SENP1: variants seen among roughly 807,000 people sequenced by gnomAD.
SENP1 encodes the protein SUMO specific peptidase 1.
SENP1 carries 21 observed loss-of-function variants against 93.0 expected under a neutral mutation model. The observed-to-expected ratio is 0.23, with a 90% confidence interval of 0.16 to 0.33. SENP1 has a LOEUF of 0.33. Among genes scored for constraint, SENP1 ranks in the 10% least tolerant of loss-of-function variants. The pLI, the probability that SENP1 is intolerant of heterozygous loss-of-function variation, is 1.00. For missense variants in SENP1, 591 were observed against 758.7 expected (o/e 0.78, Z 2.60); for synonymous variants, 256 against 259.6 (o/e 0.99, Z 0.13).
intron 9 of SENP1, among the ~76,000 whole-genome samples, chr12:48,071,240 A>T (rs555195346): frequency 3.3e-5 from 5 of 152,378 alleles, no homozygotes; most frequent in African/African-American, 1.2e-4. Flanking sequence ...TACGTGAGAA[A>T]GGTCTGAATT....
intron 13 of SENP1, 79 bp downstream of exon 13, chr12:48,063,631 G>T: frequency 7.0e-7 from 1 of 1,430,846 alleles, no homozygotes; most frequent in Non-Finnish European, 9.6e-7. Context: ...ACCACATTTT[G>T]AGAAAAAGTG....
At chr12:48,104,748 A>G (rs959462780) in intron 1 of SENP1, among the ~76,000 whole-genome samples, 1 of 152,220 alleles carries the variant, frequency 6.6e-6, no homozygotes, top group African/African-American at 2.4e-5. Context: ...AATGCAAGTC[A>G]ACAACTGCAT....
chr12:48,093,194 T>C (rs1036054171), intron 4 of SENP1, among the ~76,000 whole-genome samples: 2 of 152,078 alleles, frequency 1.3e-5, no homozygotes, highest in African/African-American at 2.4e-5. Flanking sequence ...AAAATACTCA[T>C]TTTTACAGAG....
chr12:48,102,911 A>C (rs543525290), intron 1 of SENP1, among the ~76,000 whole-genome samples: 5 of 152,246 alleles, frequency 3.3e-5, no homozygotes, highest in African/African-American at 1.2e-4. Context: ...TAAAGAATTT[A>C]AGCCTTAGAT....
intron 2 of SENP1, among the ~76,000 whole-genome samples, chr12:48,099,541 TGTG>T (rs1187774557): frequency 1.3e-5 from 2 of 151,870 alleles, no homozygotes; most frequent in African/African-American, 4.8e-5. Flanking sequence ...ACCTGCCAGG[TGTG>T]GTGGCTCACA....
At chr12:48,105,408 G>A (rs1384157044) in intron 1 of SENP1, 2 of 518,918 alleles carry the variant, frequency 3.9e-6, no homozygotes, top group African/African-American at 1.9e-5. Flanking sequence ...TTACCAGGAG[G>A]CGATGAGCCA....
chr12:48,047,081 A>G lies in SENP1; in HGVS notation c.1692-19T>C. 6.5e-7 allele frequency: 1 copy of G among 1,530,270 alleles called. No individual in the cohort carries two copies. The highest frequency in any genetic ancestry group is 9.0e-7 in the Non-Finnish European group (1 of 1,105,154). 94.8% of individuals were successfully genotyped at this position (1,530,270 alleles called of 1,614,324 possible). A position where few individuals can be genotyped will look rare whatever the true frequency, so the allele number is the denominator to read the frequency against. On this transcript the variant is annotated intron_variant, in intron 15 of 17. Transcript: ENST00000549518. ...GTATTGCCTAAAGGTATCAGGAGAG[A>G]ATGAGATAAGCAGTGGGGAACATCG...
chr12:48,100,325 T>C (rs956837737), intron 2 of SENP1, among the ~76,000 whole-genome samples: 2 of 152,156 alleles, frequency 1.3e-5, no homozygotes, highest in Non-Finnish European at 2.9e-5. Flanking sequence ...TAGTATAACA[T>C]AGTACTAAGG....
intron 3 of SENP1, among the ~76,000 whole-genome samples, chr12:48,096,813 C>A (rs2137284068): frequency 6.6e-6 from 1 of 152,146 alleles, no homozygotes; most frequent in East Asian, 1.9e-4. Flanking sequence ...TATAATTAAA[C>A]AAGACTATAA....
chr12:48,058,293 C>T (rs1362835220), intron 13 of SENP1, among the ~76,000 whole-genome samples: 2 of 152,188 alleles, frequency 1.3e-5, no homozygotes, highest in East Asian at 3.9e-4. Flanking sequence ...AAATATGTGG[C>T]TCACATTATA....
chr12:48,092,301 C>T (rs1456796241), intron 4 of SENP1, among the ~76,000 whole-genome samples: 1 of 152,050 alleles, frequency 6.6e-6, no homozygotes, highest in Admixed American at 6.5e-5. Context: ...AAAGTGATGA[C>T]CACTGCAATC....
chr12:48,069,277 T>A (rs1943519150), intron 9 of SENP1, among the ~76,000 whole-genome samples: 1 of 150,220 alleles, frequency 6.7e-6, no homozygotes, highest in Non-Finnish European at 1.5e-5. Context: ...GGCAAAGAGG[T>A]ATGACACAGC....
At chr12:48,071,757 A>C in intron 8 of SENP1, 36 bp from the exon 9 acceptor site, 1 of 1,404,706 alleles carries the variant, frequency 7.1e-7, no homozygotes, top group Non-Finnish European at 1.0e-6. Context: ...TAGTAATAAA[A>C]CTCCACAAAG....
At chr12:48,084,457 T>TG (rs1944702634) in intron 5 of SENP1, among the ~76,000 whole-genome samples, 1 of 149,014 alleles carries the variant, frequency 6.7e-6, no homozygotes, top group Admixed American at 6.7e-5. Context: ...GTTTTTTTTT[T>TG]TTTTTTTTTT....
intron 14 of SENP1, among the ~76,000 whole-genome samples, 195 bp from the exon 15 acceptor site, chr12:48,048,275 G>A (rs1442074935): frequency 6.6e-6 from 1 of 152,126 alleles, no homozygotes; most frequent in African/African-American, 2.4e-5. Context: ...AAACTATGAT[G>A]GCACTCATCA....
chr12:48,074,482 T>G lies in SENP1; in HGVS notation c.782A>C (p.Asn261Thr). The G allele has an allele frequency of 6.2e-7, 1 of 1,613,934 alleles. No individual in the cohort carries two copies. The highest frequency in any genetic ancestry group is 8.5e-7 in the Non-Finnish European group (1 of 1,179,860). The change falls in exon 8 of 18, where the codon AAC becomes ACC. Residue 261 changes from asparagine (N) to threonine (T), a missense_variant. Physicochemically the swap from Asn to Thr is moderately conservative, Grantham distance 65 (BLOSUM62 0). Around this residue, in one of 4 missense-constraint regions of SENP1, gnomAD observed 238 missense variants for 259.1 expected, o/e 0.92. Coordinates refer to ENST00000549518, the MANE Select transcript of SENP1 (RefSeq NM_001267594.2). ...TACACTGTGGGACAGCTGTTCCTGG[T>G]TAGTTAAAATGCTGGCAGATCCAGA... is the stretch of plus-strand genomic sequence containing the variant. ...SSSGSASILT[N>T]QEQLSHSVYS...
intron 13 of SENP1, chr12:48,055,128 CT>C: frequency 3.8e-6 from 1 of 261,758 alleles, no homozygotes; most frequent in Non-Finnish European, 7.3e-6. Flanking sequence ...TACACTTTCT[CT>C]TGCGCTTGGC....
intron 13 of SENP1, among the ~76,000 whole-genome samples, chr12:48,052,522 A>C (rs10875733): frequency 0.19 from 28,558 of 152,072 alleles, 3,275 homozygotes; most frequent in African/African-American, 0.32. Context: ...ATTTACCCTT[A>C]TCAACCACAA....
intron 5 of SENP1, among the ~76,000 whole-genome samples, chr12:48,088,107 T>C (rs746570133): frequency 4.0e-5 from 6 of 151,708 alleles, no homozygotes; most frequent in Middle Eastern, 3.4e-3. Context: ...GCTGGAGCTA[T>C]AGCAGCATGA....
Sources: gnomAD v4.1 joint callset for allele counts (sites outside exome capture counted in the v4.1 genomes callset) on GRCh38, gnomAD v4.1.1 for gene constraint, gnomAD v4.1.1 regional missense constraint, MANE v1.5 for transcripts, NCBI Gene and HGNC (gene_info 2026-07-23, HGNC 2026-07-21) for gene names.